TASP1: variants seen among roughly 807,000 people sequenced by gnomAD.
The protein encoded by TASP1 is taspase 1.
Under a neutral mutation model 56.6 loss-of-function variants are expected in TASP1, and 16 were observed. The ratio of observed to expected loss-of-function variants is 0.28; its 90% confidence interval spans 0.19 to 0.43. The LOEUF (loss-of-function observed/expected upper bound fraction) is 0.43, where lower values mean the gene tolerates loss of function less well. Ranked by LOEUF, TASP1 falls within the 20% of genes least tolerant of loss-of-function variation. TASP1 has a pLI of 1.00. For synonymous variants in TASP1, 179 were observed against 184.2 expected (o/e 0.97, Z 0.23); for missense variants, 393 against 511.6 (o/e 0.77, Z 2.24).
intron 4 of TASP1, among the ~76,000 whole-genome samples, chr20:13,607,837 G>A (rs1393536351): frequency 4.6e-5 from 7 of 152,176 alleles, no homozygotes; most frequent in Admixed American, 2.0e-4. Flanking sequence ...CGTGATGGCA[G>A]GTGCCTGTAA....
chr20:13,617,127 A>C (rs1299670974), intron 4 of TASP1: 1 of 447,526 alleles, frequency 2.2e-6, no homozygotes, highest in Non-Finnish European at 4.5e-6. Context: ...TGTACACCTC[A>C]AAAAATAAAA....
At chr20:13,163,768 C>G in the TASP1 span, among the ~76,000 whole-genome samples, 1 of 152,110 alleles carries the variant, frequency 6.6e-6, no homozygotes, top group African/African-American at 2.4e-5. Flanking sequence ...CTCACCTTAC[C>G]TTTTCAAAGC....
At chr20:13,230,217 CTT>C in the TASP1 span, among the ~76,000 whole-genome samples, 2 of 152,136 alleles carry the variant, frequency 1.3e-5, no homozygotes, top group African/African-American at 4.8e-5. Flanking sequence ...TTTAACAACT[CTT>C]AATATCAGAA....
At chr20:13,576,551 T>G (rs890574992) in intron 6 of TASP1, among the ~76,000 whole-genome samples, 2 of 151,566 alleles carry the variant, frequency 1.3e-5, no homozygotes, top group African/African-American at 4.8e-5. Context: ...TACCACAGCA[T>G]CAAAAAAAAG....
chr20:13,162,814 G>A, the TASP1 span, among the ~76,000 whole-genome samples: 37 of 152,240 alleles, frequency 2.4e-4, 1 homozygote, highest in East Asian at 7.0e-3. Flanking sequence ...CTTCCTTAGA[G>A]TCATCTCAGG....
intron 11 of TASP1, among the ~76,000 whole-genome samples, chr20:13,474,193 T>C (rs2044631907): frequency 6.6e-6 from 1 of 152,192 alleles, no homozygotes; most frequent in African/African-American, 2.4e-5. Flanking sequence ...CATGAATACA[T>C]TCTTTAAGTG....
chr20:13,503,114 T>C (rs1235836932), intron 10 of TASP1, among the ~76,000 whole-genome samples: 1 of 151,490 alleles, frequency 6.6e-6, no homozygotes. Flanking sequence ...GTTGAGGAGG[T>C]TAGGAGAAGG....
chr20:13,342,865 C>T, the TASP1 span, among the ~76,000 whole-genome samples: 1 of 152,280 alleles, frequency 6.6e-6, no homozygotes, highest in South Asian at 2.1e-4. Flanking sequence ...CCTTATCCAG[C>T]TCCGGTCACT....
the TASP1 span, among the ~76,000 whole-genome samples, chr20:13,246,346 T>C: frequency 5.3e-5 from 8 of 151,868 alleles, no homozygotes; most frequent in Admixed American, 5.2e-4. Flanking sequence ...CACAGCATGG[T>C]TCATCCACTG....
At chr20:13,282,778 C>CG in the TASP1 span, among the ~76,000 whole-genome samples, 1 of 152,178 alleles carries the variant, frequency 6.6e-6, no homozygotes, top group Non-Finnish European at 1.5e-5. Context: ...TGAATAGCCC[C>CG]GGGCCTTGTT....
intron 10 of TASP1, among the ~76,000 whole-genome samples, chr20:13,509,570 T>C (rs537714265): frequency 6.6e-6 from 1 of 152,302 alleles, no homozygotes; most frequent in East Asian, 1.9e-4. Flanking sequence ...CTCACGTTTT[T>C]CCATTTGTCT....
chr20:13,616,078 TAC>T (rs906161749), intron 4 of TASP1, among the ~76,000 whole-genome samples: 28 of 149,986 alleles, frequency 1.9e-4, no homozygotes, highest in African/African-American at 3.7e-4. Flanking sequence ...CAAATACACA[TAC>T]ACACACACAC....
chr20:13,576,495 T>C (rs140528099), intron 6 of TASP1, among the ~76,000 whole-genome samples: 5 of 152,264 alleles, frequency 3.3e-5, no homozygotes, highest in Non-Finnish European at 7.4e-5. Context: ...CACATTTCTA[T>C]ATACTGACAA....
intron 12 of TASP1, among the ~76,000 whole-genome samples, chr20:13,433,074 C>T (rs1185517269): frequency 6.6e-6 from 1 of 152,000 alleles, no homozygotes; most frequent in East Asian, 1.9e-4. Context: ...CTTGCTACAC[C>T]CATCAACCTG....
At chr20:13,298,154 GGA>G in the TASP1 span, among the ~76,000 whole-genome samples, 7 of 152,066 alleles carry the variant, frequency 4.6e-5, no homozygotes, top group Non-Finnish European at 8.8e-5. Context: ...TGCTCAGGCT[GGA>G]GTGCAGTGGT....
intron 11 of TASP1, among the ~76,000 whole-genome samples, chr20:13,439,435 T>C (rs971724545): frequency 1.3e-5 from 2 of 151,970 alleles, no homozygotes; most frequent in Admixed American, 6.6e-5. Flanking sequence ...ATGTTCTCAC[T>C]CATAGATGGG....
the TASP1 span, among the ~76,000 whole-genome samples, chr20:13,139,708 T>C: frequency 3.3e-5 from 5 of 152,188 alleles, no homozygotes; most frequent in African/African-American, 1.2e-4. Flanking sequence ...ATGAGTTTGG[T>C]GAGTAAGAAC....
intron 11 of TASP1, among the ~76,000 whole-genome samples, chr20:13,475,199 T>C (rs2044677259): frequency 6.6e-6 from 1 of 152,224 alleles, no homozygotes; most frequent in South Asian, 2.1e-4. Flanking sequence ...TATGTATGTA[T>C]AATTAATGTT....
At chr20:13,348,965 A>G in the TASP1 span, among the ~76,000 whole-genome samples, 1 of 152,210 alleles carries the variant, frequency 6.6e-6, no homozygotes, top group Non-Finnish European at 1.5e-5. Context: ...TATTTTTGAC[A>G]GTCCTCAATT....
Sources: allele counts gnomAD v4.1 joint callset (sites outside exome capture counted in the v4.1 genomes callset), GRCh38; gene constraint gnomAD v4.1.1; transcripts MANE v1.5; gene names NCBI Gene and HGNC (gene_info 2026-07-23, HGNC 2026-07-21).